NSUN6: variants seen among roughly 807,000 people sequenced by gnomAD.
NSUN6 encodes NOP2/Sun RNA methyltransferase 6, also known as tRNA (cytosine(72)-C(5))-methyltransferase NSUN6.
NSUN6 carries 64 observed loss-of-function variants against 58.0 expected under a neutral mutation model. The observed-to-expected ratio is 1.10, with a 90% CI of 0.90 to 1.36. NSUN6 has a LOEUF of 1.36. Among genes scored for constraint, NSUN6 ranks in the 40% most tolerant of loss-of-function variants. The pLI, the probability that NSUN6 is intolerant of heterozygous loss-of-function variation, is 0.00. For missense variants in NSUN6, 701 were observed against 550.1 expected (o/e 1.27, Z -2.74); for synonymous variants, 231 against 193.9 (o/e 1.19, Z -1.59).
At chr10:18,547,984 G>T in intron 10 of NSUN6, 128 bp downstream of exon 10, 2 of 881,520 alleles carry the variant, frequency 2.3e-6, no homozygotes, top group Non-Finnish European at 1.7e-6. Context: ...AATTAGATAA[G>T]CATTCTTGTT....
chr10:18,586,007 C>T lies in NSUN6; in HGVS notation c.864G>A (p.Arg288=). ...NALLLGLNSI[R]AFCFDGTKAV... ...CCTTTGTTCCATCAAAACAAAATGC[C>T]CTGATGGAATTCAGCCCTAACAATA... Residue 288 remains arginine (R), a synonymous_variant, in exon 8 of 11, where the codon AGG becomes AGA. Transcript: ENST00000377304. The T allele has an allele frequency of 1.9e-6, 3 of 1,612,094 alleles. No homozygotes were observed. Among genetic ancestry groups the T allele is most frequent in the South Asian group, 1.1e-5 (1 of 90,506 alleles).
upstream of NSUN6, among the ~76,000 whole-genome samples, chr10:18,656,568 T>C (rs2059779760): frequency 6.6e-6 from 1 of 152,128 alleles, no homozygotes; most frequent in African/African-American, 2.4e-5. Context: ...ATCAGAGTTG[T>C]ATAAGTAATA....
Position 18,546,124 on chromosome 10 carries a change from C to T in NSUN6, c.1219G>A (p.Gly407Arg), listed in dbSNP as rs780242997. ...QPQEPQIGGEGMRGAGLSCEQ... is the reference protein window; with the variant it reads ...QPQEPQIGGERMRGAGLSCEQ... ...CATGAGAGCCCAGCTCCCCTCATTC[C>T]TTCTCCTCCAATCTGCGGTTCCTGT... Residue 407 changes from glycine to arginine, a missense_variant, in exon 11 of 11, where the codon GGA (glycine) becomes AGA (arginine). Transcript: ENST00000377304. The T allele has an allele frequency of 3.1e-6, 5 of 1,613,228 alleles. No homozygotes were observed. The highest frequency in any genetic ancestry group is 4.2e-6 in the Non-Finnish European group (5 of 1,179,268).
intron 8 of NSUN6, among the ~76,000 whole-genome samples, chr10:18,574,416 C>T (rs2056550074): frequency 6.6e-6 from 1 of 151,970 alleles, no homozygotes; most frequent in African/African-American, 2.4e-5. Context: ...GGTTTCCTAA[C>T]AGGAAATCCA....
At chr10:18,571,317 T>C (rs2056347755) in intron 8 of NSUN6, among the ~76,000 whole-genome samples, 1 of 149,932 alleles carries the variant, frequency 6.7e-6, no homozygotes, top group Non-Finnish European at 1.5e-5. Context: ...CATTCCCTTC[T>C]TTTCTCCATT....
intron 3 of NSUN6, among the ~76,000 whole-genome samples, chr10:18,617,684 T>C (rs1158887798): frequency 2.0e-5 from 3 of 152,076 alleles, no homozygotes; most frequent in Admixed American, 2.0e-4. Context: ...ATAACCAAAC[T>C]AGATGCCTCA....
chr10:18,585,992 A>C lies in NSUN6; in HGVS notation c.879T>G (p.Asp293Glu). Reference protein sequence around the residue: ...GLNSIRAFCFDGTKAVKLDMV... With the variant: ...GLNSIRAFCFEGTKAVKLDMV... ...TATCAAGTTTAACCGCCTTTGTTCC[A>C]TCAAAACAAAATGCCCTGATGGAAT... The change falls in exon 8 of 11, where the codon GAT (aspartate) becomes GAG (glutamate). Residue 293 changes from aspartate (D) to glutamate (E), a missense_variant. Transcript: ENST00000377304. 1 of 1,611,524 alleles carries C rather than the reference A, an allele frequency of 6.2e-7. No individual in the cohort carries two copies. Among genetic ancestry groups the C allele is most frequent in the South Asian group, 1.1e-5 (1 of 90,022 alleles).
intron 8 of NSUN6, among the ~76,000 whole-genome samples, chr10:18,556,041 G>A (rs1040702776): frequency 6.6e-6 from 1 of 151,378 alleles, no homozygotes; most frequent in Non-Finnish European, 1.5e-5. Flanking sequence ...ATGGAGAATG[G>A]TGTGGAATGG....
intron 8 of NSUN6, among the ~76,000 whole-genome samples, chr10:18,566,376 C>T (rs1224071532): frequency 2.0e-5 from 3 of 151,248 alleles, no homozygotes; most frequent in African/African-American, 7.3e-5. Context: ...ACATTCCATT[C>T]CATTCTCCAT....
intron 8 of NSUN6, among the ~76,000 whole-genome samples, chr10:18,567,794 A>G (rs1456926668): frequency 6.8e-6 from 1 of 146,796 alleles, no homozygotes; most frequent in Non-Finnish European, 1.5e-5. Context: ...TGCATTCTAC[A>G]TTCTTCATTC....
chr10:18,641,811 G>C (rs1347639628), intron 3 of NSUN6, among the ~76,000 whole-genome samples: 2 of 152,196 alleles, frequency 1.3e-5, no homozygotes, highest in African/African-American at 2.4e-5. Context: ...GCTCACATCA[G>C]TAATCCCAAT....
At chr10:18,559,946 A>G (rs1369209358) in intron 8 of NSUN6, among the ~76,000 whole-genome samples, 1 of 151,124 alleles carries the variant, frequency 6.6e-6, no homozygotes, top group African/African-American at 2.4e-5. Context: ...AATGGACTGG[A>G]ATGGAATAGA....
At chr10:18,626,722 G>A (rs1310294890) in intron 3 of NSUN6, among the ~76,000 whole-genome samples, 25 of 152,286 alleles carry the variant, frequency 1.6e-4, no homozygotes, top group African/African-American at 5.3e-4. Flanking sequence ...AGCCGAGATC[G>A]TGCCATTGCA....
At chr10:18,587,709 C>A (rs773309119) in intron 7 of NSUN6, among the ~76,000 whole-genome samples, 1 of 152,048 alleles carries the variant, frequency 6.6e-6, no homozygotes, top group Non-Finnish European at 1.5e-5. Context: ...CCTCCCCCAG[C>A]CAAGAGAAGC....
intron 3 of NSUN6, among the ~76,000 whole-genome samples, chr10:18,618,646 C>T (rs1486340159): frequency 6.8e-6 from 1 of 146,642 alleles, no homozygotes. Flanking sequence ...GGTGCCATTG[C>T]ACTCCAGCGT....
At chr10:18,557,614 CGGAGAATGGAATAGAGT>C (rs2055139960) in intron 8 of NSUN6, among the ~76,000 whole-genome samples, 1 of 132,136 alleles carries the variant, frequency 7.6e-6, no homozygotes. Flanking sequence ...TGGATTGGAA[CGGAGAATGGAATAGAGT>C]GGAGAATGGA....
chr10:18,557,875 GGAATGGAATGGAATGAAATGAA>G lies in NSUN6; in HGVS notation c.923-5926_923-5905del, dbSNP rs1270257566. 2.0e-5 allele frequency among the ~76,000 whole-genome samples: 3 copies of G among 150,876 alleles called. No individual in the cohort carries two copies. The East Asian group carries it at 5.9e-4, about 30-fold the overall frequency. On this transcript the variant is annotated intron_variant, in intron 8 of 10. Transcript: ENST00000377304. Reference sequence around the variant, plus strand: ...TAGAATGGAATATGGAATGGAGCGTGGAATGGAATGGAATGAAATGAAGAATGGAATGGAGAATGGTGTGGAA... The same window carrying G: ...TAGAATGGAATATGGAATGGAGCGTGGAATGGAATGGAGAATGGTGTGGAA...
At chr10:18,576,183 T>C (rs2056638499) in intron 8 of NSUN6, among the ~76,000 whole-genome samples, 2 of 152,256 alleles carry the variant, frequency 1.3e-5, no homozygotes, top group Admixed American at 1.3e-4. Flanking sequence ...TTCCTTGCTC[T>C]ATTGCTGACC....
intron 6 of NSUN6, among the ~76,000 whole-genome samples, chr10:18,601,521 T>TCTAGTGAGGAAAACCA (rs71402186): frequency 6.6e-6 from 1 of 151,714 alleles, no homozygotes; most frequent in African/African-American, 2.4e-5. Flanking sequence ...GTAATTTTCC[T>TCTAGTGAGGAAAACCA]AGTGGCTGGA....
Sources: allele counts gnomAD v4.1 joint callset (sites outside exome capture counted in the v4.1 genomes callset), GRCh38; gene constraint gnomAD v4.1.1; transcripts MANE v1.5; gene names NCBI Gene and HGNC (gene_info 2026-07-23, HGNC 2026-07-21).